The following FMN2 variants were observed in gnomAD, a reference collection of about 807,000 sequenced individuals.
FMN2 encodes the protein formin-2.
Under a neutral mutation model 142.3 loss-of-function variants are expected in FMN2, and 51 were observed. That is an observed-to-expected ratio of 0.36 (90% CI 0.29 to 0.45). The LOEUF (loss-of-function observed/expected upper bound fraction) is 0.45. Among genes scored for constraint, FMN2 ranks in the 20% least tolerant of loss-of-function variants. The probability of loss-of-function intolerance (pLI) is 1.00; values close to 1 mark genes in which losing one functional copy is unlikely to be tolerated. For synonymous variants in FMN2, 882 were observed against 869.8 expected (o/e 1.01, Z -0.25); for missense variants, 1,936 against 2,122.8 (o/e 0.91, Z 1.73).
At chr1:240,301,860 A>G (rs891310369) in intron 8 of FMN2, among the ~76,000 whole-genome samples, 2 of 151,568 alleles carry the variant, frequency 1.3e-5, no homozygotes, top group Non-Finnish European at 2.9e-5. Flanking sequence ...TTGTATTCTG[A>G]TTGAGTTTGA....
intron 6 of FMN2, among the ~76,000 whole-genome samples, chr1:240,243,502 G>T (rs1282497106): frequency 6.6e-6 from 1 of 152,102 alleles, no homozygotes; most frequent in East Asian, 1.9e-4. Context: ...GCCTTCTATT[G>T]TCTCTGCTGT....
intron 2 of FMN2, among the ~76,000 whole-genome samples, chr1:240,129,832 C>T (rs550472645): frequency 1.1e-3 from 163 of 152,210 alleles, no homozygotes; most frequent in African/African-American, 3.7e-3. Context: ...TGCCTTCTGG[C>T]GGTCATGCAT....
intron 6 of FMN2, among the ~76,000 whole-genome samples, chr1:240,244,962 C>T (rs1432611796): frequency 1.3e-5 from 2 of 152,172 alleles, no homozygotes; most frequent in Non-Finnish European, 2.9e-5. Context: ...GTGCTGAGTA[C>T]TACAGTAAGC....
At chr1:240,282,976 A>C (rs1669452072) in intron 7 of FMN2, among the ~76,000 whole-genome samples, 1 of 152,200 alleles carries the variant, frequency 6.6e-6, no homozygotes, top group Non-Finnish European at 1.5e-5. Context: ...AGATTGATGC[A>C]TCAGCATTCT....
chr1:240,241,385 C>T (rs925957625), intron 6 of FMN2, among the ~76,000 whole-genome samples: 8 of 151,910 alleles, frequency 5.3e-5, no homozygotes, highest in Middle Eastern at 6.8e-3. Context: ...CTAAGAAGTT[C>T]CCTTGGTTTT....
chr1:240,427,732 T>C (rs1200919057), intron 15 of FMN2, among the ~76,000 whole-genome samples: 1 of 152,146 alleles, frequency 6.6e-6, no homozygotes, highest in African/African-American at 2.4e-5. Flanking sequence ...CACGATCCTC[T>C]GTCTTGTATT....
intron 15 of FMN2, among the ~76,000 whole-genome samples, chr1:240,418,601 G>A (rs1244772508): frequency 6.6e-6 from 1 of 152,098 alleles, no homozygotes; most frequent in South Asian, 2.1e-4. Flanking sequence ...TTACATAAAG[G>A]TTACATAAAA....
At chr1:240,361,136 T>TAA (rs1558452443) in intron 14 of FMN2, among the ~76,000 whole-genome samples, 4 of 19,592 alleles carry the variant, frequency 2.0e-4, no homozygotes, top group African/African-American at 1.8e-3. Flanking sequence ...TAAATAAATA[T>TAA]ATGTGTATAT....
intron 7 of FMN2, among the ~76,000 whole-genome samples, chr1:240,287,951 A>C (rs573851764): frequency 9.2e-5 from 14 of 152,246 alleles, no homozygotes; most frequent in African/African-American, 3.4e-4. Flanking sequence ...GACATGACAT[A>C]TTATCTTTGT....
intron 14 of FMN2, among the ~76,000 whole-genome samples, chr1:240,376,787 A>T (rs1271662853): frequency 6.6e-6 from 1 of 152,178 alleles, no homozygotes; most frequent in Non-Finnish European, 1.5e-5. Context: ...ATTGAGGGAC[A>T]ACTATATTTC....
intron 1 of FMN2, among the ~76,000 whole-genome samples, chr1:240,105,297 T>C (rs921300694): frequency 1.3e-5 from 2 of 151,736 alleles, no homozygotes; most frequent in African/African-American, 2.4e-5. Flanking sequence ...TTGGTAGAGA[T>C]TGGGTTTCAC....
intron 2 of FMN2, 74 bp from the exon 3 acceptor site, chr1:240,177,847 C>A: frequency 1.6e-6 from 2 of 1,279,632 alleles, no homozygotes; most frequent in Non-Finnish European, 1.0e-6. Flanking sequence ...AATGATTTTG[C>A]AATGTATTAG....
Position 240,182,936 on chromosome 1 carries a change from A to G in FMN2, c.1930+4868A>G, listed in dbSNP as rs1433383504. Among the ~76,000 whole-genome samples the G allele has an allele frequency of 4.5e-5, 6 of 134,698 alleles. No individual in the cohort carries two copies. In the South Asian group the frequency reaches 9.6e-4, roughly 21 times the overall value. The allele number at this position is 134,698 out of a possible 152,430, so 88.4% of individuals were successfully genotyped here. ...TTTCTTTTCTTTTTTTTTTTTTTTG[A>G]GACAGGGTTTAACTCTGTCACCCAG... On this transcript the variant is annotated intron_variant, in intron 3 of 17. Coordinates refer to ENST00000319653, the MANE Select transcript of FMN2 (RefSeq NM_020066.5).
chr1:240,101,820 T>G (rs193104215), intron 1 of FMN2, among the ~76,000 whole-genome samples: 1 of 151,902 alleles, frequency 6.6e-6, no homozygotes, highest in East Asian at 1.9e-4. Context: ...TGATGGTTGA[T>G]CGTGTGTTAT....
At chr1:240,156,408 C>T (rs1021905510) in intron 2 of FMN2, among the ~76,000 whole-genome samples, 8 of 152,156 alleles carry the variant, frequency 5.3e-5, no homozygotes, top group Admixed American at 5.2e-4. Context: ...TTATTGATTG[C>T]CTTCTCTTAA....
In FMN2 at chr1:240,172,234, G is replaced by A. The variant is rs192126891; in HGVS notation, c.1783-5687G>A. On this transcript the variant is annotated intron_variant, in intron 2 of 17. Coordinates refer to ENST00000319653, the MANE Select transcript of FMN2 (RefSeq NM_020066.5). ...CACACACACAGAAAAAGACATTTATGGATGGTTGAGGAAATATCACAGGGC... is the reference window on the plus strand; with the variant it reads ...CACACACACAGAAAAAGACATTTATAGATGGTTGAGGAAATATCACAGGGC... Among the ~76,000 whole-genome samples, 347 of 135,996 alleles carry A rather than the reference G, an allele frequency of 2.6e-3. 4 individuals are homozygous for A. Among genetic ancestry groups the A allele is most frequent in the African/African-American group, 8.8e-3 (326 of 36,966 alleles). The allele number at this position is 135,996 out of a possible 152,430, so 89.2% of individuals were successfully genotyped here. A position where few individuals can be genotyped will look rare whatever the true frequency, so the allele number is the denominator to read the frequency against.
chr1:240,333,217 G>T (rs998594257), intron 11 of FMN2, among the ~76,000 whole-genome samples: 1 of 152,004 alleles, frequency 6.6e-6, no homozygotes, highest in African/African-American at 2.4e-5. Context: ...AGGTGAAAAG[G>T]TATTTTTGAA....
intron 8 of FMN2, among the ~76,000 whole-genome samples, chr1:240,308,048 T>G (rs1670473090): frequency 6.6e-6 from 1 of 152,154 alleles, no homozygotes; most frequent in Non-Finnish European, 1.5e-5. Flanking sequence ...AGAAAAAAAG[T>G]CAATGTGAGG....
chr1:240,311,399 AAAATG>A (rs1171298005), intron 8 of FMN2, among the ~76,000 whole-genome samples: 1 of 152,234 alleles, frequency 6.6e-6, no homozygotes, highest in African/African-American at 2.4e-5. Flanking sequence ...TCTTCAAACA[AAAATG>A]AGAGGAGTAT....
Sources: gnomAD v4.1 joint callset for allele counts (sites outside exome capture counted in the v4.1 genomes callset) on GRCh38, gnomAD v4.1.1 for gene constraint, MANE v1.5 for transcripts, NCBI Gene and HGNC (gene_info 2026-07-23, HGNC 2026-07-21) for gene names.